The following WWOX variants were observed in gnomAD, a reference collection of about 807,000 sequenced individuals.
WWOX encodes WW domain containing oxidoreductase, also known as WW domain-containing oxidoreductase.
A neutral mutation model predicts 46.2 loss-of-function variants in WWOX; 69 were observed. The observed-to-expected ratio is 1.49, with a 90% CI of 1.23 to 1.82. The LOEUF (loss-of-function observed/expected upper bound fraction) is 1.82. Ranked by LOEUF, WWOX falls within the 40% of genes most tolerant of loss-of-function variation. The probability of loss-of-function intolerance (pLI) is 0.00; values close to 1 mark genes in which losing one functional copy is unlikely to be tolerated. For synonymous variants in WWOX, 359 were observed against 202.6 expected (o/e 1.77, Z -6.56); for missense variants, 919 against 542.6 (o/e 1.69, Z -6.89).
intron 8 of WWOX, among the ~76,000 whole-genome samples, chr16:78,540,312 C>G (rs2043861363): frequency 6.6e-6 from 1 of 151,840 alleles, no homozygotes; most frequent in African/African-American, 2.4e-5. Flanking sequence ...TCATGTATCT[C>G]TTTAAAATCA....
intron 8 of WWOX, among the ~76,000 whole-genome samples, chr16:78,884,829 G>A (rs535885922): frequency 6.6e-6 from 1 of 152,200 alleles, no homozygotes; most frequent in African/African-American, 2.4e-5. Context: ...AAAAGTTCAT[G>A]GACAAATACA....
At chr16:78,981,856 C>T (rs2046689086) in intron 8 of WWOX, 1 of 152,206 alleles carries the variant, frequency 6.6e-6, no homozygotes, top group Admixed American at 6.6e-5. Flanking sequence ...ATTTCAAAGT[C>T]CTTCCTGTGT....
chr16:78,417,518 G>GA (rs778090534), intron 6 of WWOX, among the ~76,000 whole-genome samples: 18 of 151,722 alleles, frequency 1.2e-4, no homozygotes, highest in South Asian at 4.2e-4. Context: ...CTCAAAAAAG[G>GA]AAAAAAAAGT....
chr16:78,930,337 G>T (rs921656739), intron 8 of WWOX, among the ~76,000 whole-genome samples: 1 of 144,710 alleles, frequency 6.9e-6, no homozygotes, highest in African/African-American at 2.6e-5. Context: ...GAGTGCAGTG[G>T]CACATTCATG....
chr16:79,006,433 G>A (rs571235606), intron 8 of WWOX, among the ~76,000 whole-genome samples: 1 of 152,246 alleles, frequency 6.6e-6, no homozygotes, highest in South Asian at 2.1e-4. Flanking sequence ...CAGGTGCCAG[G>A]TTAGAGTTTC....
intron 5 of WWOX, among the ~76,000 whole-genome samples, chr16:78,209,792 A>G (rs2036502264): frequency 6.6e-6 from 1 of 151,980 alleles, no homozygotes. Context: ...TAAATACTGT[A>G]TGTAGAATAA....
At chr16:78,375,192 C>T (rs985147995) in intron 5 of WWOX, among the ~76,000 whole-genome samples, 3 of 152,224 alleles carry the variant, frequency 2.0e-5, no homozygotes, top group Admixed American at 6.5e-5. Flanking sequence ...TAACCGTCGT[C>T]GTCATTTCTC....
intron 8 of WWOX, among the ~76,000 whole-genome samples, chr16:78,721,484 A>C (rs2048688334): frequency 6.6e-6 from 1 of 152,226 alleles, no homozygotes; most frequent in Non-Finnish European, 1.5e-5. Context: ...GCCATCAGAC[A>C]GAAACTCTAT....
intron 5 of WWOX, among the ~76,000 whole-genome samples, chr16:78,187,684 T>C (rs1366462107): frequency 6.6e-6 from 1 of 152,218 alleles, no homozygotes; most frequent in African/African-American, 2.4e-5. Flanking sequence ...CACTAGAAGG[T>C]GTGACATTGT....
intron 8 of WWOX, among the ~76,000 whole-genome samples, chr16:78,680,732 G>C (rs921758166): frequency 6.6e-6 from 1 of 152,146 alleles, no homozygotes; most frequent in Non-Finnish European, 1.5e-5. Flanking sequence ...GAACGTTTCC[G>C]TGACAGTAGA....
intron 8 of WWOX, among the ~76,000 whole-genome samples, chr16:79,019,238 G>T (rs1387034489): frequency 6.7e-6 from 1 of 149,572 alleles, no homozygotes; most frequent in African/African-American, 2.5e-5. Context: ...CTTAGCAGTG[G>T]GGATGCAATT....
chr16:78,866,867 C>G (rs1219655195), intron 8 of WWOX, among the ~76,000 whole-genome samples: 1 of 152,222 alleles, frequency 6.6e-6, no homozygotes, highest in Admixed American at 6.5e-5. Flanking sequence ...GGTGACCACA[C>G]TCAGAAGCCA....
chr16:78,139,189 C>G (rs2033901545), intron 4 of WWOX, among the ~76,000 whole-genome samples: 1 of 152,160 alleles, frequency 6.6e-6, no homozygotes, highest in African/African-American at 2.4e-5. Context: ...AATTAGTTCT[C>G]TCAGTAGCTA....
chr16:79,205,871 C>T (rs1268063427), intron 8 of WWOX: 1 of 152,152 alleles, frequency 6.6e-6, no homozygotes, highest in Non-Finnish European at 1.5e-5. Flanking sequence ...GAGCCCGCAC[C>T]TACATGCGTG....
chr16:78,179,955 C>T (rs1324599534), intron 5 of WWOX, among the ~76,000 whole-genome samples: 1 of 152,152 alleles, frequency 6.6e-6, no homozygotes, highest in African/African-American at 2.4e-5. Context: ...AGCAGTAATC[C>T]TGCCATTGTA....
chr16:78,570,602 C>T (rs142730904), intron 8 of WWOX, among the ~76,000 whole-genome samples: 12 of 152,088 alleles, frequency 7.9e-5, no homozygotes, highest in African/African-American at 1.7e-4. Flanking sequence ...GTGTGAGCCA[C>T]GAAGCCCAGC....
At chr16:79,067,330 C>G (rs2048459963) in intron 8 of WWOX, among the ~76,000 whole-genome samples, 1 of 152,176 alleles carries the variant, frequency 6.6e-6, no homozygotes, top group African/African-American at 2.4e-5. Flanking sequence ...CCTGTTCCTC[C>G]CTTGACATCA....
intron 8 of WWOX, among the ~76,000 whole-genome samples, chr16:78,985,079 C>G (rs938301440): frequency 1.3e-5 from 2 of 152,186 alleles, no homozygotes; most frequent in Admixed American, 1.3e-4. Context: ...CTCTGGCCGC[C>G]CAGTTTTTGG....
chr16:79,066,965 G>T (rs554482982), intron 8 of WWOX, among the ~76,000 whole-genome samples: 1 of 148,474 alleles, frequency 6.7e-6, no homozygotes, highest in South Asian at 2.1e-4. Flanking sequence ...GGCAGAGATG[G>T]CAGAGATATG....
Sources: allele counts gnomAD v4.1 joint callset (sites outside exome capture counted in the v4.1 genomes callset), GRCh38; gene constraint gnomAD v4.1.1; transcripts MANE v1.5; gene names NCBI Gene and HGNC (gene_info 2026-07-23, HGNC 2026-07-21).